The following TSEN15 variants were observed in gnomAD, a reference collection of about 807,000 sequenced individuals.
TSEN15 encodes the protein tRNA-splicing endonuclease subunit Sen15.
Under a neutral mutation model 20.5 loss-of-function variants are expected in TSEN15, and 10 were observed. The observed-to-expected ratio is 0.49, with a 90% CI of 0.30 to 0.83. The LOEUF (loss-of-function observed/expected upper bound fraction) is 0.83. Among genes scored for constraint, TSEN15 ranks in the 40% least tolerant of loss-of-function variants. The pLI, the probability that TSEN15 is intolerant of heterozygous loss-of-function variation, is 0.06. For synonymous variants in TSEN15, 72 were observed against 80.1 expected, an observed-to-expected ratio of 0.90 and a Z score of 0.54; for missense variants, 180 against 218.6, an observed-to-expected ratio of 0.82 and a Z score of 1.11.
chr1:184,077,934 C>G (rs1374887937), downstream of TSEN15, among the ~76,000 whole-genome samples: 1 of 152,066 alleles, frequency 6.6e-6, no homozygotes, highest in Non-Finnish European at 1.5e-5. Context: ...GTTGAAATGA[C>G]AAAATATTTA....
intron 3 of TSEN15, among the ~76,000 whole-genome samples, chr1:184,055,397 A>G (rs1474520152): frequency 6.6e-6 from 1 of 152,180 alleles, no homozygotes; most frequent in African/African-American, 2.4e-5. Context: ...TCAACATGGG[A>G]TTTGGGCAGG....
At chr1:184,053,689 T>C (rs1650135397) in intron 1 of TSEN15, among the ~76,000 whole-genome samples, 1 of 152,192 alleles carries the variant, frequency 6.6e-6, no homozygotes, top group African/African-American at 2.4e-5. Context: ...ATTCCCCTTA[T>C]GCTGACCAGT....
At chr1:184,067,618 T>G (rs1650717104) in intron 3 of TSEN15, among the ~76,000 whole-genome samples, 1 of 151,920 alleles carries the variant, frequency 6.6e-6, no homozygotes, top group South Asian at 2.1e-4. Flanking sequence ...TCCAAAAAAT[T>G]AGAATGTCTG....
chr1:184,067,942 AT>A (rs58844070), intron 3 of TSEN15, among the ~76,000 whole-genome samples: 19,597 of 65,136 alleles, frequency 0.3, 1,937 homozygotes, highest in Non-Finnish European at 0.34. Context: ...AAAAAAAAAA[AT>A]ATATATATAT....
At chr1:184,095,812 A>G (rs1237139421) in exon 4 of TSEN15, 3 of 398,508 alleles carry the variant, frequency 7.5e-6, no homozygotes, top group Non-Finnish European at 8.8e-6. Context: ...TAGTGTCCAG[A>G]ACTGTGAGAA....
At chr1:184,088,832 A>G (rs971519568) in intron 3 of TSEN15, among the ~76,000 whole-genome samples, 1 of 152,226 alleles carries the variant, frequency 6.6e-6, no homozygotes, top group East Asian at 1.9e-4. Flanking sequence ...GAAGGTTAGC[A>G]GACCTATGTG....
intron 3 of TSEN15, 98 bp downstream of exon 3, chr1:184,054,961 G>T: frequency 7.2e-7 from 1 of 1,382,264 alleles, no homozygotes; most frequent in Non-Finnish European, 9.7e-7. Context: ...TTGGGATACA[G>T]GGTTCATAGC....
At chr1:184,088,078 G>A (rs149014602) in intron 3 of TSEN15, among the ~76,000 whole-genome samples, 14 of 152,278 alleles carry the variant, frequency 9.2e-5, no homozygotes, top group Non-Finnish European at 1.8e-4. Flanking sequence ...TCTTGTTGTA[G>A]AGGCAGAATC....
chr1:184,095,385 C>G (rs1651430241), intron 3 of TSEN15: 1 of 380,536 alleles, frequency 2.6e-6, no homozygotes, highest in Non-Finnish European at 4.6e-6. Context: ...AGAGAATGCC[C>G]CTGGCTTCCC....
downstream of TSEN15, among the ~76,000 whole-genome samples, chr1:184,077,704 G>A (rs1651090366): frequency 6.6e-6 from 1 of 152,148 alleles, no homozygotes; most frequent in African/African-American, 2.4e-5. Context: ...TCCAACCCTT[G>A]TGGATGACTT....
At chr1:184,082,868 G>A (rs1244327159) in intron 3 of TSEN15, among the ~76,000 whole-genome samples, 1 of 152,060 alleles carries the variant, frequency 6.6e-6, no homozygotes, top group Admixed American at 6.6e-5. Context: ...TGTTCCTGAG[G>A]CAGTGTGCCA....
At position 184,090,605 on chromosome 1, in the gene TSEN15, G is replaced by A. The variant is rs1383458518; in HGVS notation, c.354-5085G>A. On this transcript the variant is annotated intron_variant, in intron 3 of 3. Coordinates refer to the TSEN15 transcript ENST00000643231. ...TTTCTTCTCCTTTCTTCCTCCATGT[G>A]GCCTGAATGGGGAGAAAGCCAGGGC... is the stretch of plus-strand genomic sequence containing the variant. Among the ~76,000 whole-genome samples the A allele has an allele frequency of 2.0e-5, 3 of 152,164 alleles. No individual in the cohort carries two copies. In the East Asian group the frequency reaches 5.8e-4, roughly 29 times the overall value.
At chr1:184,082,203 G>A (rs140010770) in intron 3 of TSEN15, among the ~76,000 whole-genome samples, 1 of 152,256 alleles carries the variant, frequency 6.6e-6, no homozygotes, top group African/African-American at 2.4e-5. Context: ...ACAGACATCA[G>A]TCCTTAGGGT....
chr1:184,079,772 A>G (rs1022455424), intron 3 of TSEN15, among the ~76,000 whole-genome samples: 12 of 152,172 alleles, frequency 7.9e-5, no homozygotes, highest in Non-Finnish European at 1.5e-4. Context: ...TTTGAAGGGT[A>G]CATAATGCAG....
chr1:184,056,735 A>G (rs565709793), intron 3 of TSEN15, among the ~76,000 whole-genome samples: 13 of 152,276 alleles, frequency 8.5e-5, no homozygotes, highest in South Asian at 2.1e-4. Context: ...TTTACTGAAT[A>G]GTCCCTCCTT....
At chr1:184,067,070 A>G (rs1337732366) in intron 3 of TSEN15, among the ~76,000 whole-genome samples, 1 of 152,172 alleles carries the variant, frequency 6.6e-6, no homozygotes, top group East Asian at 1.9e-4. Flanking sequence ...CCAATTGTTT[A>G]TTGCTGATAT....
At chr1:184,075,123 A>G (rs16822408), downstream of TSEN15, among the ~76,000 whole-genome samples, 749 of 152,222 alleles carry the variant, frequency 4.9e-3, 19 homozygotes, top group East Asian at 0.049. Context: ...CTATATAACT[A>G]CAAAACCAGA....
downstream of TSEN15, among the ~76,000 whole-genome samples, chr1:184,078,933 A>G (rs1651113262): frequency 6.6e-6 from 1 of 152,126 alleles, no homozygotes; most frequent in African/African-American, 2.4e-5. Context: ...CCCCTAGCAG[A>G]AGGCCTCTTC....
At chr1:184,093,733 A>T (rs905734822) in intron 3 of TSEN15, 1 of 152,102 alleles carries the variant, frequency 6.6e-6, no homozygotes, top group African/African-American at 2.4e-5. Context: ...AGGTGAGAGG[A>T]TTTCATTACT....
Sources: gnomAD v4.1 joint callset for allele counts (sites outside exome capture counted in the v4.1 genomes callset) on GRCh38, gnomAD v4.1.1 for gene constraint, MANE v1.5 for transcripts, NCBI Gene and HGNC (gene_info 2026-07-23, HGNC 2026-07-21) for gene names.